Variants in TCF7L1 observed in about 807,000 individuals in gnomAD.
The protein encoded by TCF7L1 is transcription factor 7 like 1.
A neutral mutation model predicts 63.7 loss-of-function variants in TCF7L1; 18 were observed. The ratio of observed to expected loss-of-function variants is 0.28; its 90% CI spans 0.20 to 0.42. TCF7L1 has a LOEUF of 0.42. Ranked by LOEUF, TCF7L1 falls within the 10% of genes least tolerant of loss-of-function variation. The pLI, the probability that TCF7L1 is intolerant of heterozygous loss-of-function variation, is 1.00. For missense variants in TCF7L1, 654 were observed against 779.3 expected (o/e 0.84, Z 1.91); for synonymous variants, 355 against 340.9 (o/e 1.04, Z -0.46).
intron 3 of TCF7L1, among the ~76,000 whole-genome samples, chr2:85,235,661 A>G (rs1281733276): frequency 1.3e-5 from 2 of 152,120 alleles, no homozygotes; most frequent in African/African-American, 4.8e-5. Flanking sequence ...CCAAGGCATT[A>G]GGATCTTAAG....
intron 3 of TCF7L1, among the ~76,000 whole-genome samples, chr2:85,222,615 A>C (rs1679871187): frequency 7.1e-6 from 1 of 141,002 alleles, no homozygotes; most frequent in Non-Finnish European, 1.5e-5. Flanking sequence ...GGCTGCAGTG[A>C]GCCTAGATTG....
chr2:85,273,178 G>A (rs979732683), intron 3 of TCF7L1, among the ~76,000 whole-genome samples: 1 of 152,180 alleles, frequency 6.6e-6, no homozygotes, highest in Non-Finnish European at 1.5e-5. Flanking sequence ...TCACAACAGC[G>A]CACAGACTCA....
chr2:85,223,831 CACA>C (rs977960325), intron 3 of TCF7L1, among the ~76,000 whole-genome samples: 4 of 152,160 alleles, frequency 2.6e-5, no homozygotes, highest in African/African-American at 9.7e-5. Flanking sequence ...GATACATGTG[CACA>C]ACGTGCAGGT....
intron 3 of TCF7L1, among the ~76,000 whole-genome samples, chr2:85,252,503 G>A (rs1340561972): frequency 6.6e-6 from 1 of 152,110 alleles, no homozygotes; most frequent in Non-Finnish European, 1.5e-5. Context: ...CCTCTGCATG[G>A]CCTCTCCAAA....
intron 3 of TCF7L1, among the ~76,000 whole-genome samples, chr2:85,215,486 T>C (rs1679678309): frequency 1.3e-5 from 2 of 152,206 alleles, no homozygotes; most frequent in Non-Finnish European, 2.9e-5. Context: ...CCCGCCTTGC[T>C]TGGCAGGTTG....
intron 3 of TCF7L1, among the ~76,000 whole-genome samples, chr2:85,209,148 A>G (rs1679486750): frequency 8.2e-6 from 1 of 122,368 alleles, no homozygotes; most frequent in Non-Finnish European, 1.8e-5. Context: ...GGCCCTTAGA[A>G]CCAGCTGGCC....
chr2:85,165,143 A>G (rs1259506770), intron 3 of TCF7L1, among the ~76,000 whole-genome samples: 3 of 152,150 alleles, frequency 2.0e-5, no homozygotes, highest in Non-Finnish European at 4.4e-5. Flanking sequence ...ATTTATAGTA[A>G]CTGTTTCCTG....
chr2:85,308,442 T>TCACTTTCTCCTTCCCTCCCA (rs1558663493), intron 11 of TCF7L1, among the ~76,000 whole-genome samples: 1 of 71,776 alleles, frequency 1.4e-5, no homozygotes, highest in African/African-American at 6.5e-5. Context: ...TCTCCCTCCC[T>TCACTTTCTCCTTCCCTCCCA]TTCTCTTTCC....
At chr2:85,150,294 A>C (rs572631328) in intron 3 of TCF7L1, among the ~76,000 whole-genome samples, 12 of 150,824 alleles carry the variant, frequency 8.0e-5, no homozygotes, top group South Asian at 6.3e-4. Flanking sequence ...AGTGCAGTGA[A>C]GCGATCTCAG....
intron 3 of TCF7L1, among the ~76,000 whole-genome samples, chr2:85,280,587 C>T (rs917022337): frequency 2.6e-5 from 4 of 152,194 alleles, no homozygotes; most frequent in African/African-American, 4.8e-5. Flanking sequence ...TTTAGGTACC[C>T]ATCTATCCTG....
intron 4 of TCF7L1, among the ~76,000 whole-genome samples, chr2:85,288,226 T>C (rs1232086886): frequency 6.6e-6 from 1 of 152,224 alleles, no homozygotes; most frequent in Non-Finnish European, 1.5e-5. Flanking sequence ...AATGAGCCTA[T>C]AGAATTTAGC....
chr2:85,143,442 TA>T (rs139505834), intron 3 of TCF7L1, among the ~76,000 whole-genome samples: 4,156 of 152,292 alleles, frequency 0.027, 87 homozygotes, highest in Non-Finnish European at 0.036. Flanking sequence ...TGGCTGGTCT[TA>T]AGGGGCGCAA....
At chr2:85,268,471 C>CTTTTTTTT (rs554305734) in intron 3 of TCF7L1, among the ~76,000 whole-genome samples, 1 of 134,814 alleles carries the variant, frequency 7.4e-6, no homozygotes, top group Non-Finnish European at 1.6e-5. Context: ...GATTGGATGC[C>CTTTTTTTT]TTTTTTTTTT....
chr2:85,142,432 ATGT>A (rs1361359146), intron 3 of TCF7L1, among the ~76,000 whole-genome samples: 3 of 138,064 alleles, frequency 2.2e-5, no homozygotes, highest in East Asian at 2.1e-4. Flanking sequence ...AAAAAAAAAA[ATGT>A]GTGTGTGTGT....
At chr2:85,254,644 A>T (rs1680666087) in intron 3 of TCF7L1, among the ~76,000 whole-genome samples, 1 of 152,198 alleles carries the variant, frequency 6.6e-6, no homozygotes. Context: ...AGTTTCTTGT[A>T]TGTTAACTGC....
intron 3 of TCF7L1, among the ~76,000 whole-genome samples, chr2:85,191,477 A>G (rs1034515045): frequency 5.3e-5 from 8 of 152,296 alleles, no homozygotes; most frequent in Middle Eastern, 3.4e-3. Flanking sequence ...GGCACCTCTC[A>G]TAGGGTTAGT....
chr2:85,261,473 A>G (rs1413223341), intron 3 of TCF7L1, among the ~76,000 whole-genome samples: 2 of 152,214 alleles, frequency 1.3e-5, no homozygotes, highest in Non-Finnish European at 2.9e-5. Context: ...TGTGAAGTGG[A>G]GACTGTACAT....
chr2:85,205,985 C>G (rs1459926611), intron 3 of TCF7L1, among the ~76,000 whole-genome samples: 2 of 152,194 alleles, frequency 1.3e-5, no homozygotes, highest in African/African-American at 2.4e-5. Flanking sequence ...TCTTCAGAGC[C>G]CTGTCACCAA....
rs1365627777 is a variant in TCF7L1 at position 85,133,734 on chromosome 2, G to T, written c.50G>T (p.Gly17Val). ...GGGGGGGGSGGGGGSSAGAAG... is the reference protein window; with the variant it reads ...GGGGGGGGSGVGGGSSAGAAG... ...GGCGGCGGCGGCGGCGGCAGCGGGG[G>T]AGGCGGCGGCTCCAGCGCCGGGGCG... The change falls in exon 1 of 12, where the codon GGA becomes GTA. Residue 17 changes from glycine (G) to valine (V), a missense_variant. Gly to Val is a moderately radical substitution (Grantham distance 109). Coordinates refer to ENST00000282111, the MANE Select transcript of TCF7L1 (RefSeq NM_031283.3). The surrounding 1 kb of genome is among the most constrained non-coding windows in gnomAD (Gnocchi z 4.4). 4 of 1,213,288 alleles carry T rather than the reference G, an allele frequency of 3.3e-6. No homozygotes were observed. Among genetic ancestry groups the T allele is most frequent in the Non-Finnish European group, 4.1e-6 (4 of 976,726 alleles). 75.2% of individuals were successfully genotyped at this position (1,213,288 alleles called of 1,614,324 possible). A position where few individuals can be genotyped will look rare whatever the true frequency, so the allele number is the denominator to read the frequency against.
Sources: gnomAD v4.1 joint callset for allele counts (sites outside exome capture counted in the v4.1 genomes callset) on GRCh38, gnomAD v4.1.1 for gene constraint, Gnocchi (gnomAD v3.1) non-coding constraint, MANE v1.5 for transcripts, NCBI Gene and HGNC (gene_info 2026-07-23, HGNC 2026-07-21) for gene names.